The following HYCC2 variants were observed in gnomAD, a reference collection of about 807,000 sequenced individuals.
The protein encoded by HYCC2 is hyccin PI4KA lipid kinase complex subunit 2.
At chr2:201,002,462 C>G in the HYCC2 span, among the ~76,000 whole-genome samples, 2 of 151,660 alleles carry the variant, frequency 1.3e-5, no homozygotes, top group African/African-American at 4.8e-5. Context: ...GTAGGACATT[C>G]AATTGGTATA....
At chr2:200,981,952 C>G in the HYCC2 span, 1 of 1,468,940 alleles carries the variant, frequency 6.8e-7, no homozygotes, top group Non-Finnish European at 9.1e-7. This position sits in a 1 kb window ranked among gnomAD's most constrained non-coding sequence, Gnocchi z 4.5. Flanking sequence ...GACCTTATCT[C>G]TTGGGCAATG....
the HYCC2 span, among the ~76,000 whole-genome samples, chr2:200,982,292 G>A: frequency 2.7e-5 from 4 of 148,552 alleles, no homozygotes; most frequent in African/African-American, 7.4e-5. Flanking sequence ...ATGTGCAAAA[G>A]AGACCCTCTT....
At chr2:201,070,155 T>C in the HYCC2 span, among the ~76,000 whole-genome samples, 2 of 152,192 alleles carry the variant, frequency 1.3e-5, no homozygotes, top group Non-Finnish European at 2.9e-5. Context: ...CCATAACACA[T>C]ACTGAATAGA....
the HYCC2 span, chr2:200,977,509 AT>A: frequency 1.3e-5 from 2 of 152,204 alleles, no homozygotes; most frequent in Non-Finnish European, 2.9e-5. Flanking sequence ...GGGGATCAGG[AT>A]TTTAAAATAA....
chr2:201,042,840 C>T, the HYCC2 span, among the ~76,000 whole-genome samples: 1 of 149,918 alleles, frequency 6.7e-6, no homozygotes, highest in Admixed American at 6.6e-5. Context: ...CCGGCCGCCA[C>T]CCCGTCTGGG....
chr2:201,023,056 A>G, the HYCC2 span: 28 of 647,940 alleles, frequency 4.3e-5, no homozygotes, highest in Non-Finnish European at 7.8e-6. Context: ...AATAATTAAT[A>G]TAAAGAAATA....
the HYCC2 span, among the ~76,000 whole-genome samples, chr2:201,070,875 C>T: frequency 4.6e-5 from 7 of 152,048 alleles, no homozygotes; most frequent in Non-Finnish European, 1.0e-4. Flanking sequence ...AATAAATTCA[C>T]GAACTACAAA....
chr2:201,038,315 C>T, the HYCC2 span, among the ~76,000 whole-genome samples: 1 of 152,144 alleles, frequency 6.6e-6, no homozygotes, highest in African/African-American at 2.4e-5. Flanking sequence ...CTAGTTCAAC[C>T]ATTGTGGAAG....
At chr2:201,051,481 A>C in the HYCC2 span, among the ~76,000 whole-genome samples, 1 of 152,206 alleles carries the variant, frequency 6.6e-6, no homozygotes, top group Non-Finnish European at 1.5e-5. Context: ...AGATTATTAA[A>C]ATAAGTGAAT....
the HYCC2 span, chr2:201,021,661 G>C: frequency 4.0e-5 from 7 of 176,784 alleles, no homozygotes; most frequent in Non-Finnish European, 7.2e-5. Context: ...CAGAATATCT[G>C]ACCACTGCCC....
the HYCC2 span, among the ~76,000 whole-genome samples, chr2:201,016,780 A>G: frequency 6.6e-6 from 1 of 151,220 alleles, no homozygotes; most frequent in Non-Finnish European, 1.5e-5. Flanking sequence ...CTGTATTTTT[A>G]GTAGAGACGG....
chr2:201,057,869 C>T, the HYCC2 span, among the ~76,000 whole-genome samples: 1 of 152,246 alleles, frequency 6.6e-6, no homozygotes, highest in African/African-American at 2.4e-5. Context: ...GTTCACTATA[C>T]CTGAAGAGAC....
At chr2:201,055,555 A>T in the HYCC2 span, among the ~76,000 whole-genome samples, 7,867 of 151,988 alleles carry the variant, frequency 0.052, 470 homozygotes, top group African/African-American at 0.14. Flanking sequence ...AAAAATTAAC[A>T]GGCCATGGTA....
At chr2:200,976,422 C>T in the HYCC2 span, 1 of 152,140 alleles carries the variant, frequency 6.6e-6, no homozygotes, top group Non-Finnish European at 1.5e-5. Flanking sequence ...TAGGGGACTA[C>T]CCCTAAAGAC....
At chr2:201,064,908 C>G in the HYCC2 span, among the ~76,000 whole-genome samples, 1 of 152,192 alleles carries the variant, frequency 6.6e-6, no homozygotes. Context: ...ATGGGAACAC[C>G]TTGAATAACT....
the HYCC2 span, among the ~76,000 whole-genome samples, chr2:201,031,991 T>A: frequency 6.6e-6 from 1 of 152,194 alleles, no homozygotes. Flanking sequence ...AGACAGAGTC[T>A]CGCTCTGTTG....
the HYCC2 span, among the ~76,000 whole-genome samples, chr2:201,010,658 T>C: frequency 2.0e-5 from 3 of 152,084 alleles, no homozygotes; most frequent in Admixed American, 6.5e-5. Flanking sequence ...AGTGTCAACA[T>C]TCTTTTAAGT....
At chr2:201,010,451 T>A in the HYCC2 span, among the ~76,000 whole-genome samples, 1 of 152,210 alleles carries the variant, frequency 6.6e-6, no homozygotes. Flanking sequence ...GACCACAAGT[T>A]TGATTCATAA....
At chr2:201,003,103 G>C in the HYCC2 span, among the ~76,000 whole-genome samples, 1 of 152,140 alleles carries the variant, frequency 6.6e-6, no homozygotes, top group South Asian at 2.1e-4. Context: ...GTCTCGCTTT[G>C]TTGCCCAGGT....
Sources: allele counts gnomAD v4.1 joint callset (sites outside exome capture counted in the v4.1 genomes callset), GRCh38; gene constraint gnomAD v4.1.1; non-coding constraint Gnocchi (gnomAD v3.1); transcripts MANE v1.5; gene names NCBI Gene and HGNC (gene_info 2026-07-23, HGNC 2026-07-21).